The following BPIFA2 variants were observed in gnomAD, a reference collection of about 807,000 sequenced individuals.
BPIFA2 encodes the protein BPI fold-containing family A member 2.
Under a neutral mutation model 25.7 loss-of-function variants are expected in BPIFA2, and 20 were observed. The ratio of observed to expected loss-of-function variants is 0.78; its 90% CI spans 0.55 to 1.13. The LOEUF is 1.13. Ranked by LOEUF, BPIFA2 falls within the 50% of genes most tolerant of loss-of-function variation. The pLI, the probability that BPIFA2 is intolerant of heterozygous loss-of-function variation, is 0.00. For missense variants in BPIFA2, 300 were observed against 298.1 expected, an observed-to-expected ratio of 1.01 and a Z score of -0.05; for synonymous variants, 126 against 124.3, an observed-to-expected ratio of 1.01 and a Z score of -0.09.
rs374784792 is a variant in BPIFA2, at chr20:33,178,205, G to A, written c.622G>A (p.Val208Ile). Reference sequence around the variant, plus strand: ...CGTGATCAACACGCTGAAAAGCACTGTATCCTCCCTGCTGCAGAAGGAGGT... The same window carrying A: ...CGTGATCAACACGCTGAAAAGCACTATATCCTCCCTGCTGCAGAAGGAGGT... ...NSVINTLKSTVSSLLQKEICP... is the reference protein window; with the variant it reads ...NSVINTLKSTISSLLQKEICP... Residue 208 changes from valine to isoleucine, a missense_variant, in exon 6 of 9, where the codon GTA becomes ATA. Val to Ile is a conservative substitution (Grantham distance 29). Coordinates refer to ENST00000354932, the MANE Select transcript of BPIFA2 (RefSeq NM_080574.4). 3.1e-6 allele frequency: 5 copies of A among 1,602,158 alleles called. No homozygotes were observed. Among genetic ancestry groups the A allele is most frequent in the Middle Eastern group, 1.7e-4 (1 of 6,040 alleles).
intron 6 of BPIFA2, among the ~76,000 whole-genome samples, 199 bp from the exon 7 acceptor site, chr20:33,179,405 G>A (rs1309867714): frequency 4.0e-5 from 6 of 150,876 alleles, no homozygotes; most frequent in Non-Finnish European, 7.4e-5. Flanking sequence ...ACTCCAGCCT[G>A]GGCAAGACAG....
upstream of BPIFA2, among the ~76,000 whole-genome samples, chr20:33,167,474 TG>T (rs1354751475): frequency 6.6e-6 from 1 of 152,182 alleles, no homozygotes; most frequent in Non-Finnish European, 1.5e-5. Flanking sequence ...TTCCTGTCCT[TG>T]CAAGTATGGA....
chr20:33,175,645 G>T, intron 5 of BPIFA2, 86 bp downstream of exon 5: 1 of 1,381,662 alleles, frequency 7.2e-7, no homozygotes, highest in South Asian at 1.4e-5. Context: ...CCTAAGAGGA[G>T]GCCTAGTGGT....
chr20:33,175,450 C>G lies in BPIFA2; in HGVS notation c.454C>G (p.Leu152Val). 6.2e-7 allele frequency: 1 copy of G among 1,614,008 alleles called. No individual in the cohort carries two copies. The highest frequency in any genetic ancestry group is 8.5e-7 in the Non-Finnish European group (1 of 1,179,886). Reference sequence around the variant, plus strand: ...TATCAACCTGAAAGCCTCCTTGGACCTCCTGACCGCAGTCACAATTGAAAC... The same window carrying G: ...TATCAACCTGAAAGCCTCCTTGGACGTCCTGACCGCAGTCACAATTGAAAC... ...QIINLKASLDLLTAVTIETDP... is the reference protein window; with the variant it reads ...QIINLKASLDVLTAVTIETDP... Residue 152 changes from leucine to valine, a missense_variant, in exon 5 of 9, where the codon CTC (leucine) becomes GTC (valine). Transcript: ENST00000354932.
At chr20:33,177,960 C>A (rs1271522901) in intron 5 of BPIFA2, among the ~76,000 whole-genome samples, 187 bp from the exon 6 acceptor site, 2 of 152,144 alleles carry the variant, frequency 1.3e-5, no homozygotes, top group Non-Finnish European at 2.9e-5. Context: ...CTGGGGTGAG[C>A]CGCTGGTCAG....
At chr20:33,170,144 T>G (rs1983851934) in intron 2 of BPIFA2, among the ~76,000 whole-genome samples, 1 of 152,206 alleles carries the variant, frequency 6.6e-6, no homozygotes, top group Non-Finnish European at 1.5e-5. Context: ...GACAGAAATG[T>G]CTAAACCAAA....
intron 1 of BPIFA2, 36 bp from the exon 2 acceptor site, chr20:33,169,095 G>T (rs1396486914): frequency 1.9e-6 from 3 of 1,556,966 alleles, no homozygotes; most frequent in Non-Finnish European, 2.7e-6. Flanking sequence ...TTCCCTCTGG[G>T]CAATTCTCAC....
chr20:33,173,929 G>A (rs1873615737), intron 3 of BPIFA2, 150 bp from the exon 4 acceptor site: 2 of 613,930 alleles, frequency 3.3e-6, no homozygotes, highest in Admixed American at 2.8e-5. Context: ...ATAAAATACA[G>A]AGAATCAAAC....
rs151088379 is a variant in BPIFA2, at chr20:33,176,906, C to T, written c.564-1241C>T. Among the ~76,000 whole-genome samples, 190 of 152,300 alleles carry T rather than the reference C, an allele frequency of 1.2e-3. 5 individuals carry two copies. The East Asian group carries it at 0.033, about 27-fold the overall frequency. On this transcript the variant is annotated intron_variant, in intron 5 of 8. Coordinates refer to ENST00000354932, the MANE Select transcript of BPIFA2 (RefSeq NM_080574.4). Reference sequence around the variant, plus strand: ...CTGGCTACCTAGAGCACCTTCTTCTCACTCCACTTTGATGGACTTTTGCAT... The same window carrying T: ...CTGGCTACCTAGAGCACCTTCTTCTTACTCCACTTTGATGGACTTTTGCAT...
At chr20:33,174,814 G>A (rs951029731) in intron 4 of BPIFA2, among the ~76,000 whole-genome samples, 4 of 152,206 alleles carry the variant, frequency 2.6e-5, no homozygotes, top group Non-Finnish European at 5.9e-5. Flanking sequence ...GGGAGGCTGA[G>A]GCAAGAGGAT....
At chr20:33,164,568 T>TTCTTTCTTTCTTC (rs1983669849), upstream of BPIFA2, among the ~76,000 whole-genome samples, 1 of 150,096 alleles carries the variant, frequency 6.7e-6, no homozygotes, top group African/African-American at 2.5e-5. Context: ...TCTCTTTCTT[T>TTCTTTCTTTCTTC]CTTTCTTTCT....
At chr20:33,174,903 C>G (rs1218744466) in intron 4 of BPIFA2, among the ~76,000 whole-genome samples, 2 of 151,984 alleles carry the variant, frequency 1.3e-5, no homozygotes, top group Admixed American at 6.6e-5. Context: ...AGAGTGAGAC[C>G]CTGTCTCACA....
Position 33,180,467 on chromosome 20 carries a change from T to C in BPIFA2, c.710-53T>C, listed in dbSNP as rs1312106478. Reference sequence around the variant, plus strand: ...GCGGCATCTTTTGGAGTCTGGTCTCTATTCAATTCCAGTGGCAGAGACTAA... The same window carrying C: ...GCGGCATCTTTTGGAGTCTGGTCTCCATTCAATTCCAGTGGCAGAGACTAA... On this transcript the variant is annotated intron_variant, in intron 7 of 8. Transcript: ENST00000354932. 1.9e-6 allele frequency: 3 copies of C among 1,570,330 alleles called. No individual in the cohort carries two copies. The African/African-American group carries it at 4.1e-5, about 21-fold the overall frequency.
intron 3 of BPIFA2, among the ~76,000 whole-genome samples, chr20:33,173,481 C>T (rs1427118221): frequency 6.6e-6 from 1 of 152,138 alleles, no homozygotes; most frequent in African/African-American, 2.4e-5. Flanking sequence ...TGGATCCACT[C>T]ACATACTTTT....
upstream of BPIFA2, among the ~76,000 whole-genome samples, chr20:33,163,597 C>T (rs1054692317): frequency 6.6e-5 from 10 of 152,112 alleles, no homozygotes; most frequent in East Asian, 1.9e-4. Flanking sequence ...CTAAGGCAGG[C>T]GGATTACTTG....
intron 2 of BPIFA2, among the ~76,000 whole-genome samples, chr20:33,172,565 C>T (rs753313476): frequency 1.4e-4 from 21 of 152,108 alleles, no homozygotes; most frequent in Middle Eastern, 3.2e-3. Flanking sequence ...TTCAAACTCA[C>T]GTGAGCATCT....
In BPIFA2 at chr20:33,179,619, C is replaced by T. The variant is rs6120140; in HGVS notation, c.661C>T (p.Arg221Cys). The T allele has an allele frequency of 0.011, 18,379 of 1,612,086 alleles. 1,863 individuals are homozygous for T. In the African/African-American group the frequency reaches 0.22, roughly 19 times the overall value. ...LLQKEICPLI[R>C]IFIHSLDVNV... ...CCGCTGTCAGATATGTCCACTGATC[C>T]GCATCTTCATCCACTCCCTGGATGT... The change falls in exon 7 of 9, where the codon CGC becomes TGC. Residue 221 changes from arginine (R) to cysteine (C), a missense_variant. By Grantham distance (180) the Arg-to-Cys change is radical. Transcript: ENST00000354932.
chr20:33,178,090 A>C, intron 5 of BPIFA2, 57 bp from the exon 6 acceptor site: 1 of 1,387,088 alleles, frequency 7.2e-7, no homozygotes, highest in Non-Finnish European at 1.0e-6. Context: ...ACTTTTTGGC[A>C]GTTCTCCCAT....
At chr20:33,163,961 A>C (rs1456119491), upstream of BPIFA2, among the ~76,000 whole-genome samples, 4 of 152,092 alleles carry the variant, frequency 2.6e-5, no homozygotes, top group African/African-American at 9.7e-5. Flanking sequence ...TTGTTTATAA[A>C]ATGGGAATAA....
Sources: gnomAD v4.1 joint callset for allele counts (sites outside exome capture counted in the v4.1 genomes callset) on GRCh38, gnomAD v4.1.1 for gene constraint, MANE v1.5 for transcripts, NCBI Gene and HGNC (gene_info 2026-07-23, HGNC 2026-07-21) for gene names.